The following CARD10 variants were observed in gnomAD, a reference collection of about 807,000 sequenced individuals.
The protein encoded by CARD10 is caspase recruitment domain family member 10, also known as caspase recruitment domain-containing protein 10.
In CARD10, 49 loss-of-function variants were observed where a neutral mutation model predicts 114.6. The observed-to-expected ratio is 0.43, with a 90% CI of 0.34 to 0.54. The LOEUF is 0.54. Among genes scored for constraint, CARD10 ranks in the 20% least tolerant of loss-of-function variants. The probability of loss-of-function intolerance (pLI) is 0.03; values close to 1 mark genes in which losing one functional copy is unlikely to be tolerated. For missense variants in CARD10, 1,206 were observed against 1,397.2 expected, an observed-to-expected ratio of 0.86 and a Z score of 2.18; for synonymous variants, 602 against 593.2, an observed-to-expected ratio of 1.01 and a Z score of -0.21.
chr22:37,515,314 G>A (rs1308048569), intron 3 of CARD10, among the ~76,000 whole-genome samples: 2 of 152,180 alleles, frequency 1.3e-5, no homozygotes, highest in African/African-American at 4.8e-5. Context: ...TGTAATCCCA[G>A]CACTTTGGGA....
intron 10 of CARD10, 79 bp from the exon 11 acceptor site, chr22:37,502,804 C>T: frequency 3.3e-6 from 5 of 1,506,642 alleles, no homozygotes; most frequent in Middle Eastern, 2.4e-4. Context: ...GACTGACCCC[C>T]CTCCAGCCCA....
At chr22:37,517,103 G>A (rs1454078668) in intron 2 of CARD10, among the ~76,000 whole-genome samples, 1 of 152,198 alleles carries the variant, frequency 6.6e-6, no homozygotes, top group Non-Finnish European at 1.5e-5. Context: ...TTTGCACAAA[G>A]ACGCACATAC....
Position 37,496,610 on chromosome 22 carries a change from G to A in CARD10, c.1948-50C>T, listed in dbSNP as rs1382923473. 1 of 1,345,506 alleles carries A rather than the reference G, an allele frequency of 7.4e-7. No homozygotes were observed. The highest frequency in any genetic ancestry group is 2.3e-5 in the East Asian group (1 of 43,398). The allele number at this position is 1,345,506 out of a possible 1,614,324, so 83.3% of individuals were successfully genotyped here. A position where few individuals can be genotyped will look rare whatever the true frequency, so the allele number is the denominator to read the frequency against. ...GGAAAGAAGTGAGCCTCTGAGAGTA[G>A]AGCAGCCCAGGGGCTGGAGGAAGAC... On this transcript the variant is annotated intron_variant, in intron 12 of 19. Transcript: ENST00000251973. The surrounding 1 kb of genome is among the most constrained non-coding windows in gnomAD (Gnocchi z 4.1).
intron 10 of CARD10, 124 bp from the exon 11 acceptor site, chr22:37,502,849 C>T (rs1923266355): frequency 8.8e-7 from 1 of 1,139,304 alleles, no homozygotes; most frequent in Non-Finnish European, 1.2e-6. Flanking sequence ...CCCAGGAGCA[C>T]ATCAGACCCA....
intron 15 of CARD10, among the ~76,000 whole-genome samples, chr22:37,494,932 T>C (rs1452621469): frequency 6.6e-6 from 1 of 152,060 alleles, no homozygotes; most frequent in African/African-American, 2.4e-5. Context: ...CATCCAGGCA[T>C]TGGAAAAGGG....
intron 3 of CARD10, among the ~76,000 whole-genome samples, chr22:37,512,727 G>C (rs1258234270): frequency 6.6e-6 from 1 of 152,106 alleles, no homozygotes; most frequent in African/African-American, 2.4e-5. Context: ...AGGGCCTCCT[G>C]CCTGACCCCT....
At chr22:37,500,493 C>G (rs1036553553) in intron 11 of CARD10, among the ~76,000 whole-genome samples, 1 of 152,182 alleles carries the variant, frequency 6.6e-6, no homozygotes, top group Non-Finnish European at 1.5e-5. Flanking sequence ...CCCAGCCCCC[C>G]ACTATCCACC....
intron 3 of CARD10, among the ~76,000 whole-genome samples, chr22:37,511,182 C>T (rs576462024): frequency 4.3e-4 from 65 of 150,736 alleles, no homozygotes; most frequent in African/African-American, 1.3e-3. Context: ...AGTGAGACCT[C>T]GTCTCGACAA....
At chr22:37,517,308 C>T (rs1313567851) in intron 2 of CARD10, among the ~76,000 whole-genome samples, 1 of 152,056 alleles carries the variant, frequency 6.6e-6, no homozygotes, top group Non-Finnish European at 1.5e-5. Flanking sequence ...CACACGTAGG[C>T]GTGTGTGCGT....
At chr22:37,507,726 A>G in intron 6 of CARD10, 103 bp downstream of exon 6, 1 of 1,423,100 alleles carries the variant, frequency 7.0e-7, no homozygotes, top group South Asian at 1.2e-5. Context: ...GGGAGCGGCT[A>G]ACGTCTCTTT....
Position 37,496,481 on chromosome 22 carries a change from C to T in CARD10, c.2027G>A (p.Gly676Glu), listed in dbSNP as rs373196505. 2 of 1,613,638 alleles carry T rather than the reference C, an allele frequency of 1.2e-6. No individual in the cohort carries two copies. Among genetic ancestry groups the T allele is most frequent in the African/African-American group, 2.7e-5 (2 of 74,864 alleles). ...GTCCATCAGGGAGGGGAGTGTGGAC[C>T]CCTGATTCCAGAGCAAGGTTCTCTG... is the stretch of plus-strand genomic sequence containing the variant. ...AQQRTLLWNQGSTLPSLMDSK... is the reference protein window; with the variant it reads ...AQQRTLLWNQESTLPSLMDSK... The change falls in exon 13 of 20, where the codon GGG becomes GAG. Residue 676 changes from glycine to glutamate, a missense_variant. Gly to Glu is a moderately conservative substitution (Grantham distance 98). Coordinates refer to ENST00000251973, the MANE Select transcript of CARD10 (RefSeq NM_014550.4). This position sits in a 1 kb window ranked among gnomAD's most constrained non-coding sequence, Gnocchi z 4.1.
chr22:37,496,533 C>T lies in CARD10; in HGVS notation c.1975G>A (p.Gly659Arg). 6.2e-7 allele frequency: 1 copy of T among 1,613,798 alleles called. No homozygotes were observed. Among genetic ancestry groups the T allele is most frequent in the Non-Finnish European group, 8.5e-7 (1 of 1,179,926 alleles). ...TGGGCCTCGGCTTCCAGGCACGCCC[C>T]CTCCAGACCAGCAGCTTCCACCCTT... ...EQRVEAAGLE[G>R]ACLEAEAQQR... is the part of the protein sequence containing the mutation. Residue 659 changes from glycine to arginine, a missense_variant, in exon 13 of 20, where the codon GGG becomes AGG. Coordinates refer to ENST00000251973, the MANE Select transcript of CARD10 (RefSeq NM_014550.4). The surrounding 1 kb of genome is among the most constrained non-coding windows in gnomAD (Gnocchi z 4.1).
rs761147194 is a variant in CARD10 at position 37,495,817 on chromosome 22, C to CG, written c.2245dup (p.Arg749ProfsTer3). 2 of 1,614,046 alleles carry CG rather than the reference C, an allele frequency of 1.2e-6. No homozygotes were observed. The highest frequency in any genetic ancestry group is 8.5e-7 in the Non-Finnish European group (1 of 1,180,028). ...GTCCCGCAGAGTGAGGGGGTCAACC[C>CG]GGGTGCAGAACCATTCCTGCCTCCG... On this transcript the variant is annotated frameshift_variant, in exon 14 of 20. Transcript: ENST00000251973. LOFTEE classifies it high-confidence loss of function.
rs1319099818 is a variant in CARD10 at position 37,503,199 on chromosome 22, A to G, written c.1649T>C (p.Met550Thr). The G allele has an allele frequency of 1.9e-6, 3 of 1,611,494 alleles. No homozygotes were observed. The highest frequency in any genetic ancestry group is 2.5e-6 in the Non-Finnish European group (3 of 1,178,992). The stretch of plus-strand genomic sequence containing the variant: ...AGGGCTGTTACCTGTGATGTCTGAC[A>G]TGCTGCTGAAGGATCTGGGCAGAGA... ...PAPPKRSFSS[M>T]SDITGSVTLK... The change falls in exon 10 of 20, where the codon ATG becomes ACG. Residue 550 changes from methionine (M) to threonine (T), a missense_variant. Around this residue, in one of 2 missense-constraint regions of CARD10, gnomAD observed 1,068 missense variants for 1,179.1 expected, o/e 0.91. Coordinates refer to ENST00000251973, the MANE Select transcript of CARD10 (RefSeq NM_014550.4).
chr22:37,509,084 C>A, intron 4 of CARD10: 1 of 1,547,430 alleles, frequency 6.5e-7, no homozygotes, highest in Non-Finnish European at 8.7e-7. Flanking sequence ...AGGGGCTGAG[C>A]CTGGCCCATA....
At chr22:37,498,990 C>G (rs1358825249) in intron 11 of CARD10, among the ~76,000 whole-genome samples, 2 of 151,992 alleles carry the variant, frequency 1.3e-5, no homozygotes, top group East Asian at 1.9e-4. Flanking sequence ...GCAGGCCTGG[C>G]CCTTAGTGGC....
intron 15 of CARD10, 94 bp from the exon 16 acceptor site, chr22:37,494,282 C>T (rs1922913791): frequency 1.2e-6 from 1 of 810,754 alleles, no homozygotes; most frequent in Non-Finnish European, 2.0e-6. Context: ...GCGGGCCCCA[C>T]TGCCACTGTG....
At chr22:37,503,148 C>T in intron 10 of CARD10, 37 bp downstream of exon 10, 1 of 1,606,676 alleles carries the variant, frequency 6.2e-7, no homozygotes, top group Non-Finnish European at 8.5e-7. Flanking sequence ...CTCCCCCGAC[C>T]AGAGGAGCCC....
At chr22:37,498,477 C>G (rs549503147) in intron 11 of CARD10, among the ~76,000 whole-genome samples, 1 of 152,172 alleles carries the variant, frequency 6.6e-6, no homozygotes, top group African/African-American at 2.4e-5. Flanking sequence ...GGAGAGGCAG[C>G]GGGGCGAAGC....
Sources: gnomAD v4.1 joint callset for allele counts (sites outside exome capture counted in the v4.1 genomes callset) on GRCh38, gnomAD v4.1.1 for gene constraint, gnomAD v4.1.1 regional missense constraint, Gnocchi (gnomAD v3.1) non-coding constraint, MANE v1.5 for transcripts, NCBI Gene and HGNC (gene_info 2026-07-23, HGNC 2026-07-21) for gene names.